TCF12: variants seen among roughly 807,000 people sequenced by gnomAD.
TCF12 encodes DNA-binding protein HTF4.
Under a neutral mutation model 86.0 loss-of-function variants are expected in TCF12, and 45 were observed. The ratio of observed to expected loss-of-function variants is 0.52; its 90% CI spans 0.41 to 0.67. The LOEUF is 0.67. Ranked by LOEUF, TCF12 falls within the 30% of genes least tolerant of loss-of-function variation. TCF12 has a pLI of 0.00. For missense variants in TCF12, 881 were observed against 859.9 expected (o/e 1.02, Z -0.31); for synonymous variants, 330 against 299.6 (o/e 1.10, Z -1.05).
Position 57,263,192 on chromosome 15 carries a change from G to A in TCF12, c.1663G>A (p.Glu555Lys), listed in dbSNP as rs1265317811. Reference protein sequence around the residue: ...ENKEKDENLHEPPSSDDMKSD... With the variant: ...ENKEKDENLHKPPSSDDMKSD... Reference sequence around the variant, plus strand: ...CAAAGAAAAGGATGAAAACCTTCATGAACCTCCTTCATCAGATGACATGAA... The same window carrying A: ...CAAAGAAAAGGATGAAAACCTTCATAAACCTCCTTCATCAGATGACATGAA... Residue 555 changes from glutamate (E) to lysine (K), a missense_variant, in exon 18 of 21, where the codon GAA becomes AAA. Transcript: ENST00000333725. The A allele has an allele frequency of 8.1e-6, 13 of 1,613,276 alleles. No individual in the cohort carries two copies. The highest frequency in any genetic ancestry group is 1.1e-5 in the Non-Finnish European group (13 of 1,179,768).
intron 5 of TCF12, among the ~76,000 whole-genome samples, chr15:57,158,956 G>A (rs2054308327): frequency 6.6e-6 from 1 of 152,186 alleles, no homozygotes; most frequent in Non-Finnish European, 1.5e-5. Context: ...GAAGAAAATA[G>A]GCAAGCATTT....
chr15:57,068,508 A>G (rs76472018), intron 4 of TCF12, among the ~76,000 whole-genome samples: 6,334 of 152,292 alleles, frequency 0.042, 368 homozygotes, highest in African/African-American at 0.13. Context: ...CCCCTCTTCA[A>G]CTGTTTATTT....
intron 3 of TCF12, among the ~76,000 whole-genome samples, chr15:57,029,765 G>A (rs2066036501): frequency 6.6e-6 from 1 of 152,008 alleles, no homozygotes; most frequent in Non-Finnish European, 1.5e-5. Context: ...GGCAGCCATT[G>A]ATCTGTTCTC....
chr15:57,001,547 C>T (rs746207592), intron 3 of TCF12, among the ~76,000 whole-genome samples: 4 of 152,096 alleles, frequency 2.6e-5, no homozygotes, highest in Admixed American at 6.5e-5. Flanking sequence ...TTGATTGTTG[C>T]ATGTTTTAGT....
chr15:57,154,752 C>T (rs758469998), intron 5 of TCF12, among the ~76,000 whole-genome samples: 1 of 152,144 alleles, frequency 6.6e-6, no homozygotes, highest in African/African-American at 2.4e-5. Context: ...TTTAAAACCT[C>T]TGAAAGTATC....
chr15:56,955,953 C>T (rs1231217755), intron 3 of TCF12, among the ~76,000 whole-genome samples: 2 of 152,126 alleles, frequency 1.3e-5, no homozygotes, highest in African/African-American at 4.8e-5. Context: ...TATATGTACT[C>T]TTCATCAGGT....
chr15:56,940,045 G>A (rs1186956259), intron 3 of TCF12, among the ~76,000 whole-genome samples: 1 of 143,554 alleles, frequency 7.0e-6, no homozygotes, highest in African/African-American at 2.7e-5. Flanking sequence ...AGGGGAAAAT[G>A]GCTTGTGTGA....
At chr15:57,208,460 G>A (rs2057956693) in intron 8 of TCF12, among the ~76,000 whole-genome samples, 3 of 125,312 alleles carry the variant, frequency 2.4e-5, no homozygotes, top group Non-Finnish European at 4.7e-5. Flanking sequence ...TTGGCTCACT[G>A]CAACCTCCAC....
At chr15:57,182,905 T>C (rs1870870) in intron 6 of TCF12, among the ~76,000 whole-genome samples, 28,448 of 152,112 alleles carry the variant, frequency 0.19, 3,242 homozygotes, top group Non-Finnish European at 0.25. Flanking sequence ...CTTACATGTT[T>C]TCAAGTTAAC....
intron 3 of TCF12, among the ~76,000 whole-genome samples, chr15:56,968,437 G>A (rs1361095280): frequency 6.6e-6 from 1 of 150,698 alleles, no homozygotes; most frequent in African/African-American, 2.4e-5. Flanking sequence ...CACAGGTACA[G>A]TAATAGCTAC....
chr15:57,187,078 G>GC (rs2151680700), intron 6 of TCF12, among the ~76,000 whole-genome samples: 1 of 152,094 alleles, frequency 6.6e-6, no homozygotes, highest in Non-Finnish European at 1.5e-5. Context: ...TCCTTAGGAG[G>GC]CCAAGGCACA....
At chr15:56,921,674 A>T (rs2059799715) in intron 3 of TCF12, among the ~76,000 whole-genome samples, 1 of 152,066 alleles carries the variant, frequency 6.6e-6, no homozygotes. Flanking sequence ...GAAAAAAATA[A>T]CTAAAGCCAT....
At chr15:57,140,683 T>C (rs2151402008) in intron 5 of TCF12, among the ~76,000 whole-genome samples, 1 of 152,348 alleles carries the variant, frequency 6.6e-6, no homozygotes, top group East Asian at 1.9e-4. Context: ...CCTTTGTGTA[T>C]ATTTATGCAT....
At chr15:57,251,962 A>G (rs2060137400) in intron 14 of TCF12, among the ~76,000 whole-genome samples, 1 of 152,214 alleles carries the variant, frequency 6.6e-6, no homozygotes, top group Non-Finnish European at 1.5e-5. Context: ...ACAAGGCAGT[A>G]AAGGAACCTT....
intron 3 of TCF12, among the ~76,000 whole-genome samples, chr15:56,939,395 G>C (rs537004074): frequency 2.0e-5 from 3 of 151,858 alleles, no homozygotes; most frequent in African/African-American, 4.8e-5. Flanking sequence ...TCAGCCTCCT[G>C]AGTTTTAACC....
intron 4 of TCF12, among the ~76,000 whole-genome samples, chr15:57,068,264 C>G (rs2069075158): frequency 6.6e-6 from 1 of 152,078 alleles, no homozygotes; most frequent in Non-Finnish European, 1.5e-5. Flanking sequence ...TTGCATAGAT[C>G]AATGTCTGAT....
At chr15:57,233,607 A>G (rs1464799573) in intron 11 of TCF12, among the ~76,000 whole-genome samples, 1 of 152,086 alleles carries the variant, frequency 6.6e-6, no homozygotes, top group Non-Finnish European at 1.5e-5. Flanking sequence ...CTTCCCAAGT[A>G]GCTGGGACTA....
chr15:56,979,346 C>A (rs1341331618), intron 3 of TCF12, among the ~76,000 whole-genome samples: 1 of 152,014 alleles, frequency 6.6e-6, no homozygotes, highest in Non-Finnish European at 1.5e-5. Context: ...TTTAAAATAT[C>A]TCTCCCATTG....
chr15:57,025,879 T>C (rs891113714), intron 3 of TCF12, among the ~76,000 whole-genome samples: 2 of 152,186 alleles, frequency 1.3e-5, no homozygotes. Context: ...GATGAATTCA[T>C]TTTCATACTT....
Sources: allele counts gnomAD v4.1 joint callset (sites outside exome capture counted in the v4.1 genomes callset), GRCh38; gene constraint gnomAD v4.1.1; transcripts MANE v1.5; gene names NCBI Gene and HGNC (gene_info 2026-07-23, HGNC 2026-07-21).